Variants in PHF20L1 observed in about 807,000 individuals in gnomAD.
PHF20L1 encodes the protein PHD finger protein 20 like 1.
PHF20L1 carries 44 observed loss-of-function variants against 125.5 expected under a neutral mutation model. The ratio of observed to expected loss-of-function variants is 0.35; its 90% CI spans 0.28 to 0.45. The LOEUF (loss-of-function observed/expected upper bound fraction) is 0.45. PHF20L1 is among the 20% of genes least tolerant of loss of function. The pLI is 1.00. For synonymous variants in PHF20L1, 380 were observed against 403.1 expected, an observed-to-expected ratio of 0.94 and a Z score of 0.69; for missense variants, 1,012 against 1,217.2, an observed-to-expected ratio of 0.83 and a Z score of 2.51.
chr8:132,786,510 C>T (rs1354165268), intron 2 of PHF20L1, among the ~76,000 whole-genome samples: 3 of 152,014 alleles, frequency 2.0e-5, no homozygotes, highest in African/African-American at 7.2e-5. Context: ...ATTGTTTTAT[C>T]TGTTTTTAAT....
chr8:132,844,919 C>T (rs1177541527), intron 20 of PHF20L1, among the ~76,000 whole-genome samples: 1 of 152,040 alleles, frequency 6.6e-6, no homozygotes, highest in Non-Finnish European at 1.5e-5. Context: ...TTCTTCCTAA[C>T]ATCATAGACG....
At chr8:132,802,727 ATTG>A (rs1833224624) in intron 6 of PHF20L1, among the ~76,000 whole-genome samples, 1 of 151,740 alleles carries the variant, frequency 6.6e-6, no homozygotes, top group African/African-American at 2.4e-5. Flanking sequence ...TTAATGGCTT[ATTG>A]TTTTCACCAT....
At position 132,836,529 on chromosome 8, in the gene PHF20L1, A is replaced by G; in HGVS notation, c.1910-11A>G. 2.6e-6 allele frequency: 4 copies of G among 1,546,866 alleles called. No individual in the cohort carries two copies. Among genetic ancestry groups the G allele is most frequent in the Non-Finnish European group, 2.6e-6 (3 of 1,133,530 alleles). On this transcript the variant is annotated splice_polypyrimidine_tract_variant and intron_variant, in intron 15 of 20. Coordinates refer to ENST00000395386, the MANE Select transcript of PHF20L1 (RefSeq NM_016018.5). ...AAGTTGTTCTAAGTATACTTTTTGT[A>G]TATATTCTAGACTTATCAGATGTAG...
In PHF20L1 at chr8:132,847,503, A is replaced by G. The variant is rs775265025; in HGVS notation, c.*1580A>G. On this transcript the variant is annotated 3_prime_UTR_variant, in exon 21 of 21. Transcript: ENST00000395386. The stretch of plus-strand genomic sequence containing the variant: ...AGAATACATGCCACTGTACATTCAG[A>G]TATTATTTAAATTTGCAAACACATT... 6.6e-6 allele frequency: 1 copy of G among 152,584 alleles called. No individual in the cohort carries two copies. The highest frequency in any genetic ancestry group is 1.5e-5 in the Non-Finnish European group (1 of 67,996). 9.5% of individuals were successfully genotyped at this position (152,584 alleles called of 1,614,324 possible). A position where few individuals can be genotyped will look rare whatever the true frequency, so the allele number is the denominator to read the frequency against.
intron 8 of PHF20L1, among the ~76,000 whole-genome samples, chr8:132,805,912 C>T (rs1586933311): frequency 6.6e-6 from 1 of 151,958 alleles, no homozygotes; most frequent in Admixed American, 6.6e-5. Flanking sequence ...TAACCTGTTA[C>T]ACCTTTTCCT....
chr8:132,845,984 A>C lies in PHF20L1; in HGVS notation c.*61A>C. ...TTCAGTCAAAGCATTTTTATTATCC[A>C]CGTGATGGCTAAGTGGATAATTTAA... On this transcript the variant is annotated 3_prime_UTR_variant, in exon 21 of 21. Coordinates refer to ENST00000395386, the MANE Select transcript of PHF20L1 (RefSeq NM_016018.5). 7.8e-7 allele frequency: 1 copy of C among 1,288,442 alleles called. No homozygotes were observed. Among genetic ancestry groups the C allele is most frequent in the Non-Finnish European group, 1.1e-6 (1 of 903,582 alleles). The allele number at this position is 1,288,442 out of a possible 1,614,324, so 79.8% of individuals were successfully genotyped here.
chr8:132,793,978 T>C (rs959006317), intron 2 of PHF20L1, among the ~76,000 whole-genome samples: 2 of 152,208 alleles, frequency 1.3e-5, no homozygotes, highest in Non-Finnish European at 2.9e-5. Flanking sequence ...TAATATTTCA[T>C]TCAGTGGATA....
In PHF20L1 at chr8:132,839,479, C is replaced by T; in HGVS notation, c.2284C>T (p.His762Tyr). ...GLSFFKENYS[H>Y]LNAKKIVSTH... ...ATCATTTTTCAAAGAAAATTATTCT[C>T]ATCTCAATGCCAAAAAGATAGTTTC... The change falls in exon 18 of 21, where the codon CAT becomes TAT. Residue 762 changes from histidine (H) to tyrosine (Y), a missense_variant. Physicochemically the swap from His to Tyr is moderately conservative, Grantham distance 83. Coordinates refer to ENST00000395386, the MANE Select transcript of PHF20L1 (RefSeq NM_016018.5). 6.2e-7 allele frequency: 1 copy of T among 1,612,584 alleles called. No homozygotes were observed. The highest frequency in any genetic ancestry group is 8.5e-7 in the Non-Finnish European group (1 of 1,178,774).
chr8:132,793,927 A>G (rs1018415228), intron 2 of PHF20L1, among the ~76,000 whole-genome samples: 1 of 152,178 alleles, frequency 6.6e-6, no homozygotes, highest in Admixed American at 6.5e-5. Context: ...CATTTTCCCC[A>G]CATTGTAAAT....
intron 2 of PHF20L1, among the ~76,000 whole-genome samples, chr8:132,782,652 C>T (rs1412668045): frequency 6.6e-6 from 1 of 152,002 alleles, no homozygotes; most frequent in African/African-American, 2.4e-5. Context: ...GAGATCATGA[C>T]TTGAAGCAGC....
In PHF20L1 at chr8:132,814,619, T is replaced by A; in HGVS notation, c.931-18T>A. The A allele has an allele frequency of 6.6e-7, 1 of 1,517,238 alleles. No homozygotes were observed. The highest frequency in any genetic ancestry group is 8.9e-7 in the Non-Finnish European group (1 of 1,127,768). The allele number at this position is 1,517,238 out of a possible 1,614,324, so 94.0% of individuals were successfully genotyped here. Reference sequence around the variant, plus strand: ...AAGAAGCCAAAATAAAAATATCAATTTTTTATTATTTATTCAGGCGATTTC... The same window carrying A: ...AAGAAGCCAAAATAAAAATATCAATATTTTATTATTTATTCAGGCGATTTC... On this transcript the variant is annotated intron_variant, in intron 9 of 20. Transcript: ENST00000395386.
rs371194439 is a variant in PHF20L1 at position 132,794,344 on chromosome 8, T to C, written c.84-66T>C. 7.5e-6 allele frequency: 7 copies of C among 929,004 alleles called. No homozygotes were observed. The East Asian group carries it at 1.5e-4, about 20-fold the overall frequency. The allele number at this position is 929,004 out of a possible 1,614,324, so 57.5% of individuals were successfully genotyped here. A position where few individuals can be genotyped will look rare whatever the true frequency, so the allele number is the denominator to read the frequency against. Reference sequence around the variant, plus strand: ...GGTAAGCAACATTCAGCTAAATCTATGTATAATGCTTTGTATAAACAAATA... The same window carrying C: ...GGTAAGCAACATTCAGCTAAATCTACGTATAATGCTTTGTATAAACAAATA... On this transcript the variant is annotated intron_variant, in intron 2 of 20. Transcript: ENST00000395386.
At chr8:132,804,828 G>A (rs1335960855) in intron 8 of PHF20L1, 88 bp downstream of exon 8, 3 of 1,176,192 alleles carry the variant, frequency 2.6e-6, no homozygotes, top group Non-Finnish European at 3.6e-6. Context: ...AAATGGTTTT[G>A]ATTTAGTGTC....
intron 1 of PHF20L1, among the ~76,000 whole-genome samples, 183 bp from the exon 2 acceptor site, chr8:132,777,609 G>A (rs1478973506): frequency 1.3e-5 from 2 of 152,132 alleles, no homozygotes; most frequent in Admixed American, 6.5e-5. Context: ...CCTGCAGATT[G>A]CACAGAACTT....
chr8:132,804,766 AG>A (rs761926534), intron 8 of PHF20L1, 26 bp downstream of exon 8: 10 of 1,558,262 alleles, frequency 6.4e-6, no homozygotes, highest in South Asian at 3.6e-5. Flanking sequence ...TTTTTTTTTG[AG>A]GGGGGGAAAT....
rs1024060573 is a variant in PHF20L1, at chr8:132,775,537, G to T, written c.-146G>T. 14 of 371,124 alleles carry T rather than the reference G, an allele frequency of 3.8e-5. No homozygotes were observed. Among genetic ancestry groups the T allele is most frequent in the African/African-American group, 8.5e-5 (4 of 47,336 alleles). 23.0% of individuals were successfully genotyped at this position (371,124 alleles called of 1,614,324 possible). On this transcript the variant is annotated 5_prime_UTR_variant, in exon 1 of 21. Coordinates refer to ENST00000395386, the MANE Select transcript of PHF20L1 (RefSeq NM_016018.5). Reference sequence around the variant, plus strand: ...CTCGCTCCGCTCCTGCTCCCTCCCCGGCCGCTGCCTGGGCGGAGGCAGAGG... The same window carrying T: ...CTCGCTCCGCTCCTGCTCCCTCCCCTGCCGCTGCCTGGGCGGAGGCAGAGG...
In PHF20L1 at chr8:132,831,068, C is replaced by T. The variant is rs139672268; in HGVS notation, c.1745-1167C>T. On this transcript the variant is annotated intron_variant, in intron 14 of 20. Transcript: ENST00000395386. ...TTTCTTTCCTGGACTACTGCTGTAG[C>T]CTCTGAACTGTCCCCCCACTTCTAT... Among the ~76,000 whole-genome samples, 240 of 152,146 alleles carry T rather than the reference C, an allele frequency of 1.6e-3. 2 individuals are homozygous for T. Among genetic ancestry groups the T allele is most frequent in the African/African-American group, 5.4e-3 (223 of 41,546 alleles).
chr8:132,789,530 C>G (rs935784767), intron 2 of PHF20L1, among the ~76,000 whole-genome samples: 8 of 152,134 alleles, frequency 5.3e-5, no homozygotes, highest in African/African-American at 1.9e-4. Flanking sequence ...CAGCAAGAAT[C>G]ATTTTAAAGT....
chr8:132,801,744 G>A lies in PHF20L1; in HGVS notation c.508-2075G>A, dbSNP rs149897786. 8.1e-5 allele frequency among the ~76,000 whole-genome samples: 12 copies of A among 147,754 alleles called. No individual in the cohort carries two copies. The East Asian group carries it at 1.9e-3, about 23-fold the overall frequency. On this transcript the variant is annotated intron_variant, in intron 6 of 20. Transcript: ENST00000395386. ...ATCCCATAAATTTGTATAAATAAAC[G>A]TAAAAGCAAACACAAAATAGAACTC...
Sources: allele counts gnomAD v4.1 joint callset (sites outside exome capture counted in the v4.1 genomes callset), GRCh38; gene constraint gnomAD v4.1.1; transcripts MANE v1.5; gene names NCBI Gene and HGNC (gene_info 2026-07-23, HGNC 2026-07-21).